Variants in WIPF1 observed in about 807,000 individuals in gnomAD.
The protein encoded by WIPF1 is WAS/WASL-interacting protein family member 1.
In WIPF1, 13 loss-of-function variants were observed where a neutral mutation model predicts 35.4. That is an observed-to-expected ratio of 0.37 (90% CI 0.24 to 0.58). The LOEUF (loss-of-function observed/expected upper bound fraction) is 0.58. Ranked by LOEUF, WIPF1 falls within the 20% of genes least tolerant of loss-of-function variation. The pLI is 0.74. For missense variants in WIPF1, 591 were observed against 667.0 expected (o/e 0.89, Z 1.25); for synonymous variants, 267 against 266.3 (o/e 1.00, Z -0.02).
intron 1 of WIPF1, chr2:174,673,728 C>G (rs1385684639): frequency 1.3e-5 from 2 of 151,792 alleles, no homozygotes; most frequent in Non-Finnish European, 2.9e-5. Flanking sequence ...CACCCTCATT[C>G]AAGGGACCCA....
At position 174,572,082 on chromosome 2, in the gene WIPF1, G is replaced by C; in HGVS notation, c.723C>G (p.Ser241Arg). The change falls in exon 5 of 8, where the codon AGC becomes AGG. Residue 241 changes from serine (S) to arginine (R), a missense_variant. This residue lies in a region of WIPF1 where 471 missense variants were observed against 501.1 expected (regional missense o/e 0.94). Coordinates refer to ENST00000679041, the MANE Select transcript of WIPF1 (RefSeq NM_001375834.1). Reference sequence around the variant, plus strand: ...GCCGGTTGGAGAAGGGCGAGGAGGAGCTCAAGGGGGACTGACGTATTGAGC... The same window carrying C: ...GCCGGTTGGAGAAGGGCGAGGAGGACCTCAAGGGGGACTGACGTATTGAGC... Reference protein sequence around the residue: ...GGGSIRQSPLSSSSPFSNRPP... With the variant: ...GGGSIRQSPLRSSSPFSNRPP... The C allele has an allele frequency of 6.3e-7, 1 of 1,577,222 alleles. No homozygotes were observed. Among genetic ancestry groups the C allele is most frequent in the African/African-American group, 1.3e-5 (1 of 74,116 alleles).
intron 1 of WIPF1, chr2:174,630,589 G>C (rs2105931078): frequency 6.6e-6 from 1 of 152,240 alleles, no homozygotes; most frequent in Non-Finnish European, 1.5e-5. Context: ...GACACTTAGA[G>C]CTTTTTTTTC....
intron 3 of WIPF1, among the ~76,000 whole-genome samples, chr2:174,575,737 G>A (rs1369206167): frequency 6.6e-6 from 1 of 152,128 alleles, no homozygotes; most frequent in Non-Finnish European, 1.5e-5. Flanking sequence ...AGCACTTTGG[G>A]AGGCTGAGGT....
intron 1 of WIPF1, among the ~76,000 whole-genome samples, chr2:174,586,911 C>T (rs919087418): frequency 3.9e-5 from 6 of 152,206 alleles, no homozygotes; most frequent in African/African-American, 7.2e-5. Context: ...CTTAAGCCAG[C>T]GGGCAGTCTG....
At chr2:174,608,875 G>A (rs868720937) in intron 1 of WIPF1, among the ~76,000 whole-genome samples, 7 of 152,170 alleles carry the variant, frequency 4.6e-5, no homozygotes, top group African/African-American at 1.7e-4. Flanking sequence ...ATCACCTGCT[G>A]GAGGACAGAA....
At chr2:174,628,505 G>T (rs1264573065) in intron 1 of WIPF1, among the ~76,000 whole-genome samples, 1 of 152,214 alleles carries the variant, frequency 6.6e-6, no homozygotes, top group Non-Finnish European at 1.5e-5. Context: ...CAGGTAGGAT[G>T]GATTAGCTTT....
intron 3 of WIPF1, among the ~76,000 whole-genome samples, chr2:174,579,762 T>C (rs1335244628): frequency 1.3e-5 from 2 of 152,234 alleles, no homozygotes; most frequent in South Asian, 2.1e-4. Context: ...AGGCTCCCTC[T>C]TGCAGTGAGG....
In WIPF1 at chr2:174,571,977, G is replaced by A. The variant is rs1684869532; in HGVS notation, c.828C>T (p.Ser276=). 1 of 1,559,586 alleles carries A rather than the reference G, an allele frequency of 6.4e-7. No individual in the cohort carries two copies. Among genetic ancestry groups the A allele is most frequent in the African/African-American group, 1.4e-5 (1 of 73,216 alleles). ...GAGGGGGAACCGCTTCCCTGTGGAT[G>A]GAGGGCCTGTTGCCCACTGGAGGAG... is the stretch of plus-strand genomic sequence containing the variant. The part of the protein sequence containing the change: ...PPPPPVGNRP[S]IHREAVPPPP... Residue 276 remains serine, a synonymous_variant, in exon 5 of 8, where the codon TCC becomes TCT. Transcript: ENST00000679041. The surrounding 1 kb of genome is among the most constrained non-coding windows in gnomAD (Gnocchi z 4.6).
At position 174,567,152 on chromosome 2, in the gene WIPF1, C is replaced by T. The variant is rs757711719; in HGVS notation, c.1374G>A (p.Pro458=). 12 of 1,613,990 alleles carry T rather than the reference C, an allele frequency of 7.4e-6. No individual in the cohort carries two copies. The highest frequency in any genetic ancestry group is 5.5e-5 in the South Asian group (5 of 91,072). The change falls in exon 7 of 8, where the codon CCG becomes CCA. Residue 458 remains proline, a synonymous_variant. Transcript: ENST00000679041. ...DEWESRFYFH[P]ISDLPPPEPY... is the part of the protein sequence containing the mutation. ...GCTCTGGAGGTGGCAAATCGGAAAT[C>T]GGATGGAAGTAGAATCTGCTTTCCC...
At chr2:174,673,635 A>C (rs1688066799) in intron 1 of WIPF1, 1 of 152,338 alleles carries the variant, frequency 6.6e-6, no homozygotes, top group Admixed American at 6.5e-5. Context: ...TCTTCCCAGC[A>C]TGGGGCCCTT....
At chr2:174,667,990 T>G (rs1687928558) in intron 1 of WIPF1, among the ~76,000 whole-genome samples, 1 of 152,106 alleles carries the variant, frequency 6.6e-6, no homozygotes, top group Non-Finnish European at 1.5e-5. Context: ...CAGTGCAAAC[T>G]CTACAGGACA....
chr2:174,670,075 T>A (rs768856407), intron 1 of WIPF1, among the ~76,000 whole-genome samples: 2 of 152,008 alleles, frequency 1.3e-5, no homozygotes, highest in African/African-American at 2.4e-5. Context: ...CTAATGAGTT[T>A]TCCTAAAGGC....
At chr2:174,624,925 T>C (rs1686782477) in intron 1 of WIPF1, among the ~76,000 whole-genome samples, 1 of 152,164 alleles carries the variant, frequency 6.6e-6, no homozygotes, top group Non-Finnish European at 1.5e-5. Flanking sequence ...GCTGACCCCA[T>C]CGCCCTACAG....
At chr2:174,582,127 C>T (rs1685261557) in intron 2 of WIPF1, among the ~76,000 whole-genome samples, 1 of 152,156 alleles carries the variant, frequency 6.6e-6, no homozygotes, top group Admixed American at 6.5e-5. Flanking sequence ...TCCCTCATGT[C>T]CTGTTGGCAT....
intron 1 of WIPF1, among the ~76,000 whole-genome samples, chr2:174,592,687 C>T (rs1265302349): frequency 6.6e-6 from 1 of 150,496 alleles, no homozygotes. Context: ...CTCACTGCAA[C>T]CTCCACCTCC....
intron 1 of WIPF1, among the ~76,000 whole-genome samples, chr2:174,653,691 G>C (rs1349779177): frequency 6.8e-6 from 1 of 146,004 alleles, no homozygotes; most frequent in Non-Finnish European, 1.5e-5. Context: ...GCAGTGAGCC[G>C]AGATCACGCC....
At chr2:174,585,347 G>A (rs1481790365) in intron 2 of WIPF1, among the ~76,000 whole-genome samples, 176 bp downstream of exon 2, 2 of 152,168 alleles carry the variant, frequency 1.3e-5, no homozygotes, top group South Asian at 2.1e-4. Flanking sequence ...AAAACCCTTC[G>A]TGTTGTTTGT....
intron 1 of WIPF1, among the ~76,000 whole-genome samples, chr2:174,634,801 T>C (rs928206309): frequency 2.0e-5 from 3 of 152,172 alleles, no homozygotes; most frequent in African/African-American, 7.2e-5. Context: ...ATGCCTGGAC[T>C]CCAGGCACTC....
At chr2:174,669,320 A>G (rs1042402620) in intron 1 of WIPF1, among the ~76,000 whole-genome samples, 1 of 152,234 alleles carries the variant, frequency 6.6e-6, no homozygotes, top group Non-Finnish European at 1.5e-5. Context: ...GGCCTCCAAT[A>G]TAAGTGAAGA....
Sources: allele counts gnomAD v4.1 joint callset (sites outside exome capture counted in the v4.1 genomes callset), GRCh38; gene constraint gnomAD v4.1.1; regional missense constraint gnomAD v4.1.1; non-coding constraint Gnocchi (gnomAD v3.1); transcripts MANE v1.5; gene names NCBI Gene and HGNC (gene_info 2026-07-23, HGNC 2026-07-21).